Variants in SLC22A7 observed in about 807,000 individuals in gnomAD.
SLC22A7 encodes solute carrier family 22 member 7.
Under a neutral mutation model 62.2 loss-of-function variants are expected in SLC22A7, and 48 were observed. The observed-to-expected ratio is 0.77, with a 90% confidence interval of 0.61 to 0.98. The LOEUF (loss-of-function observed/expected upper bound fraction) is 0.98, where lower values mean the gene tolerates loss of function less well. Ranked by LOEUF, SLC22A7 falls within the 50% of genes least tolerant of loss-of-function variation. The pLI is 0.00. For synonymous variants in SLC22A7, 276 were observed against 314.8 expected, an observed-to-expected ratio of 0.88 and a Z score of 1.30; for missense variants, 581 against 703.8, an observed-to-expected ratio of 0.83 and a Z score of 1.97.
In SLC22A7 at chr6:43,299,660, C is replaced by T. The variant is rs563268208; in HGVS notation, c.537C>T (p.Tyr179=). ...FGRRRLLLVA[Y]VSTLVLGLAS... ...GGCGGCGTCTGCTGCTGGTAGCCTA[C>T]GTGAGTACCCTGGTGCTGGGCCTGG... The change falls in exon 4 of 11, where the codon TAC becomes TAT. Residue 179 remains tyrosine (Y), a synonymous_variant. Transcript: ENST00000372585. The surrounding 1 kb of genome is among the most constrained non-coding windows in gnomAD (Gnocchi z 4.4). 8 of 1,614,200 alleles carry T rather than the reference C, an allele frequency of 5.0e-6. No individual in the cohort carries two copies. In the African/African-American group the frequency reaches 5.3e-5, roughly 11 times the overall value.
intron 10 of SLC22A7, 167 bp downstream of exon 10, chr6:43,304,411 G>A: frequency 3.1e-6 from 2 of 637,288 alleles, no homozygotes; most frequent in East Asian, 3.0e-5. Flanking sequence ...GCATGATTGG[G>A]GGCATGTAAA....
rs146196183 is a variant in SLC22A7, at chr6:43,298,865, C to T, written c.393+114C>T. On this transcript the variant is annotated intron_variant, in intron 1 of 10. Transcript: ENST00000372585. ...CTTTACCTCTTAAAGTCTCAGTTTACCAATCTGTAGATGGGGGCTATGAAT... is the reference window on the plus strand; with the variant it reads ...CTTTACCTCTTAAAGTCTCAGTTTATCAATCTGTAGATGGGGGCTATGAAT... 7.5e-4 allele frequency: 1,079 copies of T among 1,440,372 alleles called. 9 individuals carry two copies. The East Asian group carries it at 0.019, about 25-fold the overall frequency. The allele number at this position is 1,440,372 out of a possible 1,614,324, so 89.2% of individuals were successfully genotyped here.
rs368372483 is a variant in SLC22A7 at position 43,304,027 on chromosome 6, T to C, written c.1386-11T>C. The C allele has an allele frequency of 1.9e-4, 290 of 1,510,016 alleles. No individual in the cohort carries two copies. The highest frequency in any genetic ancestry group is 2.5e-4 in the Non-Finnish European group (278 of 1,123,418). The allele number at this position is 1,510,016 out of a possible 1,614,324, so 93.5% of individuals were successfully genotyped here. A position where few individuals can be genotyped will look rare whatever the true frequency, so the allele number is the denominator to read the frequency against. ...CACCATCTGCCTCCCTCATCCTCTT[T>C]CTCTGAACAGACAGACAGGGATGGG... On this transcript the variant is annotated splice_polypyrimidine_tract_variant and intron_variant, in intron 9 of 10. Transcript: ENST00000372585.
Position 43,304,909 on chromosome 6 carries a change from C to A in SLC22A7, c.*184C>A. 2.1e-6 allele frequency: 1 copy of A among 471,986 alleles called. No homozygotes were observed. The highest frequency in any genetic ancestry group is 3.7e-6 in the Non-Finnish European group (1 of 267,488). 29.2% of individuals were successfully genotyped at this position (471,986 alleles called of 1,614,324 possible). A position where few individuals can be genotyped will look rare whatever the true frequency, so the allele number is the denominator to read the frequency against. ...TGGCTTCTAGGAACAGTTGACTTCC[C>A]AGAATGCAGTGGGCTGCTGGGCACC... On this transcript the variant is annotated 3_prime_UTR_variant, in exon 11 of 11. Coordinates refer to ENST00000372585, the MANE Select transcript of SLC22A7 (RefSeq NM_153320.2).
intron 1 of SLC22A7, 57 bp downstream of exon 1, chr6:43,298,808 G>T: frequency 6.6e-7 from 1 of 1,514,136 alleles, no homozygotes; most frequent in Non-Finnish European, 8.8e-7. Flanking sequence ...CCATTGCCTT[G>T]GGTGGTTACT....
intron 9 of SLC22A7, chr6:43,303,026 C>T: frequency 8.9e-6 from 7 of 782,376 alleles, no homozygotes; most frequent in South Asian, 5.8e-5. Flanking sequence ...GCCTCTCACT[C>T]GTTCTCCACA....
upstream of SLC22A7, chr6:43,298,227 C>T (rs571907140): frequency 3.7e-6 from 3 of 807,628 alleles, no homozygotes; most frequent in Admixed American, 5.8e-5. Flanking sequence ...CCCCTGAGGG[C>T]TGGATTCTGG....
In SLC22A7 at chr6:43,299,044, A is replaced by T; in HGVS notation, c.394-48A>T. ...CTGAGAAGGCAATTTCTGCAGCAAG[A>T]GGTGGAGAAACAATAGAGGCCTTCT... On this transcript the variant is annotated intron_variant, in intron 1 of 10. Coordinates refer to ENST00000372585, the MANE Select transcript of SLC22A7 (RefSeq NM_153320.2). The surrounding 1 kb of genome is among the most constrained non-coding windows in gnomAD (Gnocchi z 4.4). 6.6e-7 allele frequency: 1 copy of T among 1,518,924 alleles called. No individual in the cohort carries two copies. Among genetic ancestry groups the T allele is most frequent in the Non-Finnish European group, 8.9e-7 (1 of 1,123,006 alleles). The allele number at this position is 1,518,924 out of a possible 1,614,324, so 94.1% of individuals were successfully genotyped here.
chr6:43,305,009 G>C lies in SLC22A7; in HGVS notation c.*284G>C, dbSNP rs560952787. Reference sequence around the variant, plus strand: ...GGGCAGTGGTGACGAGCTGTGGGAAGAGCCCTGGATAGGAAGCCACTGAGT... The same window carrying C: ...GGGCAGTGGTGACGAGCTGTGGGAACAGCCCTGGATAGGAAGCCACTGAGT... On this transcript the variant is annotated 3_prime_UTR_variant, in exon 11 of 11. Transcript: ENST00000372585. 3.2e-6 allele frequency: 1 copy of C among 312,970 alleles called. No homozygotes were observed. The highest frequency in any genetic ancestry group is 5.4e-5 in the East Asian group (1 of 18,388). 19.4% of individuals were successfully genotyped at this position (312,970 alleles called of 1,614,324 possible). A position where few individuals can be genotyped will look rare whatever the true frequency, so the allele number is the denominator to read the frequency against.
In SLC22A7 at chr6:43,302,173, G is replaced by A. The variant is rs753327517; in HGVS notation, c.1062-27G>A. The A allele has an allele frequency of 3.9e-6, 6 of 1,536,480 alleles. No homozygotes were observed. Among genetic ancestry groups the A allele is most frequent in the African/African-American group, 2.7e-5 (2 of 73,220 alleles). Reference sequence around the variant, plus strand: ...CAAAGAGGGATGGGAAGGAGGGTCCGCCAAGTGGCACTGAGACTCCTTTCA... The same window carrying A: ...CAAAGAGGGATGGGAAGGAGGGTCCACCAAGTGGCACTGAGACTCCTTTCA... On this transcript the variant is annotated intron_variant, in intron 7 of 10. Coordinates refer to ENST00000372585, the MANE Select transcript of SLC22A7 (RefSeq NM_153320.2). The surrounding 1 kb of genome is among the most constrained non-coding windows in gnomAD (Gnocchi z 5.0).
Position 43,299,046 on chromosome 6 carries a change from G to A in SLC22A7, c.394-46G>A, listed in dbSNP as rs1778638469. The stretch of plus-strand genomic sequence containing the variant: ...GAGAAGGCAATTTCTGCAGCAAGAG[G>A]TGGAGAAACAATAGAGGCCTTCTTT... On this transcript the variant is annotated intron_variant, in intron 1 of 10. Transcript: ENST00000372585. The surrounding 1 kb of genome is among the most constrained non-coding windows in gnomAD (Gnocchi z 4.4). The A allele has an allele frequency of 2.0e-6, 3 of 1,526,544 alleles. No homozygotes were observed. The highest frequency in any genetic ancestry group is 1.4e-5 in the African/African-American group (1 of 72,334). 94.6% of individuals were successfully genotyped at this position (1,526,544 alleles called of 1,614,324 possible).
At chr6:43,303,400 CA>C (rs1334425015) in intron 9 of SLC22A7, among the ~76,000 whole-genome samples, 1 of 152,062 alleles carries the variant, frequency 6.6e-6, no homozygotes, top group East Asian at 1.9e-4. Flanking sequence ...ATGGAGGTTG[CA>C]GTGAGCTGAG....
Position 43,299,405 on chromosome 6 carries a change from G to A in SLC22A7, c.415G>A (p.Glu139Lys). Residue 139 changes from glutamate (E) to lysine (K), a missense_variant, in exon 3 of 11, where the codon GAG becomes AAG. Glu to Lys is a moderately conservative substitution (Grantham distance 56). Transcript: ENST00000372585. This position sits in a 1 kb window ranked among gnomAD's most constrained non-coding sequence, Gnocchi z 4.4. ...ATESQWDLVCEQKGLNRAAST... is the reference protein window; with the variant it reads ...ATESQWDLVCKQKGLNRAAST... Reference sequence around the variant, plus strand: ...GTCCTTGCAGTGGGATCTGGTGTGTGAGCAGAAAGGTCTGAACAGAGCTGC... The same window carrying A: ...GTCCTTGCAGTGGGATCTGGTGTGTAAGCAGAAAGGTCTGAACAGAGCTGC... 6.2e-7 allele frequency: 1 copy of A among 1,614,200 alleles called. No homozygotes were observed. Among genetic ancestry groups the A allele is most frequent in the Non-Finnish European group, 8.5e-7 (1 of 1,180,040 alleles).
intron 10 of SLC22A7, 120 bp downstream of exon 10, chr6:43,304,364 C>A: frequency 1.1e-6 from 1 of 910,560 alleles, no homozygotes; most frequent in Non-Finnish European, 1.6e-6. Context: ...GTACTTGGTG[C>A]ATGTATGTGT....
Position 43,302,794 on chromosome 6 carries a change from T to TG in SLC22A7, c.1385+35dup. 1 of 1,436,808 alleles carries TG rather than the reference T, an allele frequency of 7.0e-7. No homozygotes were observed. Among genetic ancestry groups the TG allele is most frequent in the South Asian group, 1.2e-5 (1 of 84,712 alleles). 89.0% of individuals were successfully genotyped at this position (1,436,808 alleles called of 1,614,324 possible). A position where few individuals can be genotyped will look rare whatever the true frequency, so the allele number is the denominator to read the frequency against. ...GAAGCCTGCAACTGATCTGGGGGTA[T>TG]GGGGCTTGTTAGTCACGTGTCTTAA... is the stretch of plus-strand genomic sequence containing the variant. On this transcript the variant is annotated intron_variant, in intron 9 of 10. Transcript: ENST00000372585. The surrounding 1 kb of genome is among the most constrained non-coding windows in gnomAD (Gnocchi z 5.0).
upstream of SLC22A7, chr6:43,298,254 C>G (rs910042426): frequency 9.8e-7 from 1 of 1,017,620 alleles, no homozygotes; most frequent in Non-Finnish European, 1.4e-6. Flanking sequence ...GCTCTCCAGT[C>G]CATCCACTCC....
chr6:43,299,426 G>T lies in SLC22A7; in HGVS notation c.436G>T (p.Ala146Ser). 6.2e-7 allele frequency: 1 copy of T among 1,614,186 alleles called. No homozygotes were observed. Among genetic ancestry groups the T allele is most frequent in the Non-Finnish European group, 8.5e-7 (1 of 1,180,032 alleles). The change falls in exon 3 of 11, where the codon GCT becomes TCT. Residue 146 changes from alanine to serine, a missense_variant. Physicochemically the swap from Ala to Ser is moderately conservative, Grantham distance 99 (BLOSUM62 1). Transcript: ENST00000372585. The surrounding 1 kb of genome is among the most constrained non-coding windows in gnomAD (Gnocchi z 4.4). The stretch of plus-strand genomic sequence containing the variant: ...GTGTGAGCAGAAAGGTCTGAACAGA[G>T]CTGCGTCCACTTTCTTCTTCGCCGG... ...LVCEQKGLNR[A>S]ASTFFFAGVL...
chr6:43,296,712 G>A (rs551581181), upstream of SLC22A7, among the ~76,000 whole-genome samples: 326 of 152,308 alleles, frequency 2.1e-3, 1 homozygote, highest in Non-Finnish European at 4.1e-3. Flanking sequence ...GAACTAGAGG[G>A]AAGGGAGCAT....
rs186359331 is a variant in SLC22A7, at chr6:43,304,778, G to A, written c.*53G>A. On this transcript the variant is annotated 3_prime_UTR_variant, in exon 11 of 11. Coordinates refer to ENST00000372585, the MANE Select transcript of SLC22A7 (RefSeq NM_153320.2). ...AAGCTCTGCAGCAGGGGCTGGGAGA[G>A]CAGAAGGGCAGGCCCTGCAACTCAG... is the stretch of plus-strand genomic sequence containing the variant. The A allele has an allele frequency of 3.1e-5, 44 of 1,407,248 alleles. No individual in the cohort carries two copies. The African/African-American group carries it at 5.2e-4, about 17-fold the overall frequency. 87.2% of individuals were successfully genotyped at this position (1,407,248 alleles called of 1,614,324 possible).
Sources: allele counts gnomAD v4.1 joint callset (sites outside exome capture counted in the v4.1 genomes callset), GRCh38; gene constraint gnomAD v4.1.1; non-coding constraint Gnocchi (gnomAD v3.1); transcripts MANE v1.5; gene names NCBI Gene and HGNC (gene_info 2026-07-23, HGNC 2026-07-21).